Variants in ULK4 observed in about 807,000 individuals in gnomAD.
ULK4 encodes unc-51 like kinase 4.
In ULK4, 133 loss-of-function variants were observed where a neutral mutation model predicts 160.6. The observed-to-expected ratio is 0.83, with a 90% CI of 0.72 to 0.96. The LOEUF (loss-of-function observed/expected upper bound fraction) is 0.96, where lower values mean the gene tolerates loss of function less well. Ranked by LOEUF, ULK4 falls within the 40% of genes least tolerant of loss-of-function variation. ULK4 has a pLI of 0.00. For missense variants in ULK4, 1,580 were observed against 1,499.5 expected, an observed-to-expected ratio of 1.05 and a Z score of -0.89; for synonymous variants, 534 against 539.8, an observed-to-expected ratio of 0.99 and a Z score of 0.15.
At chr3:41,294,136 T>C (rs1017524816) in intron 35 of ULK4, among the ~76,000 whole-genome samples, 5 of 152,158 alleles carry the variant, frequency 3.3e-5, no homozygotes, top group African/African-American at 1.2e-4. Flanking sequence ...TGTTAGGAGA[T>C]GGGGCCTAAT....
intron 8 of ULK4, among the ~76,000 whole-genome samples, chr3:41,915,118 T>A (rs11714795): frequency 1.3e-5 from 2 of 149,750 alleles, no homozygotes; most frequent in African/African-American, 5.1e-5. Context: ...TAGGGATATG[T>A]GGATACACCG....
chr3:41,772,080 A>G (rs1456218663), intron 21 of ULK4, among the ~76,000 whole-genome samples: 1 of 152,176 alleles, frequency 6.6e-6, no homozygotes, highest in Admixed American at 6.5e-5. Context: ...CACTGTGTAG[A>G]GGGAAGTTTA....
chr3:41,268,261 C>G (rs1575375717), intron 35 of ULK4, among the ~76,000 whole-genome samples: 1 of 152,316 alleles, frequency 6.6e-6, no homozygotes, highest in East Asian at 1.9e-4. Context: ...GTTGCCTTCT[C>G]ATGTTACATC....
At chr3:41,389,930 T>C (rs1324905902) in intron 35 of ULK4, among the ~76,000 whole-genome samples, 1 of 152,198 alleles carries the variant, frequency 6.6e-6, no homozygotes, top group Non-Finnish European at 1.5e-5. Context: ...TTAATTGGAA[T>C]AGTTTCAGAA....
intron 20 of ULK4, among the ~76,000 whole-genome samples, chr3:41,798,884 G>C (rs554177441): frequency 3.9e-5 from 6 of 152,144 alleles, no homozygotes; most frequent in Non-Finnish European, 8.8e-5. Context: ...CCAGGAAGAA[G>C]ATTTGGAGAA....
chr3:41,354,169 C>T (rs1380448664), intron 35 of ULK4, among the ~76,000 whole-genome samples: 4 of 152,202 alleles, frequency 2.6e-5, no homozygotes, highest in Admixed American at 2.6e-4. Flanking sequence ...CTGGGATGTG[C>T]AGTCCAGTGT....
chr3:41,792,280 TA>T (rs2040172893), intron 20 of ULK4, among the ~76,000 whole-genome samples: 2 of 152,072 alleles, frequency 1.3e-5, no homozygotes, highest in African/African-American at 4.8e-5. Flanking sequence ...TTTTGAGAGG[TA>T]GGGGTGTGTG....
chr3:41,758,619 C>T (rs147942501), intron 21 of ULK4, among the ~76,000 whole-genome samples: 312 of 152,280 alleles, frequency 2.0e-3, no homozygotes, highest in African/African-American at 7.2e-3. Context: ...GGCACAGTGG[C>T]TCATGCCTGT....
In ULK4 at chr3:41,559,020, T is replaced by G. The variant is rs58987309; in HGVS notation, c.3226+7005A>C. Among the ~76,000 whole-genome samples, 1,066 of 133,028 alleles carry G rather than the reference T, an allele frequency of 8.0e-3. 39 individuals are homozygous for G. The highest frequency in any genetic ancestry group is 0.026 in the African/African-American group (1,021 of 38,602). 87.3% of individuals were successfully genotyped at this position (133,028 alleles called of 152,430 possible). Reference sequence around the variant, plus strand: ...TAGGTGTATCTCCTAATGCTATCCCTCCCCCCTACCCCCACCCCACAACAG... The same window carrying G: ...TAGGTGTATCTCCTAATGCTATCCCGCCCCCCTACCCCCACCCCACAACAG... On this transcript the variant is annotated intron_variant, in intron 32 of 36. Coordinates refer to ENST00000301831, the MANE Select transcript of ULK4 (RefSeq NM_017886.4).
chr3:41,692,302 A>G (rs2036332618), intron 27 of ULK4, among the ~76,000 whole-genome samples: 1 of 152,026 alleles, frequency 6.6e-6, no homozygotes, highest in Non-Finnish European at 1.5e-5. Flanking sequence ...ACAATCTGAC[A>G]CAGTATATGA....
chr3:41,321,465 T>G (rs762142829), intron 35 of ULK4, among the ~76,000 whole-genome samples: 5 of 152,076 alleles, frequency 3.3e-5, no homozygotes, highest in Non-Finnish European at 7.3e-5. Flanking sequence ...ATATCTGCTA[T>G]GATTGTGTTA....
intron 27 of ULK4, among the ~76,000 whole-genome samples, chr3:41,702,691 A>G (rs899951382): frequency 2.0e-5 from 3 of 152,146 alleles, no homozygotes; most frequent in Non-Finnish European, 4.4e-5. Context: ...TGAAATTTGC[A>G]TACACCTAAT....
intron 2 of ULK4, among the ~76,000 whole-genome samples, chr3:41,947,276 A>C (rs771799336): frequency 6.6e-6 from 1 of 152,160 alleles, no homozygotes; most frequent in Non-Finnish European, 1.5e-5. Flanking sequence ...GTGCCACTGC[A>C]CTCCAGCCCG....
chr3:41,739,196 A>ATTTTT (rs1405183979), intron 22 of ULK4, among the ~76,000 whole-genome samples: 3 of 152,024 alleles, frequency 2.0e-5, no homozygotes, highest in Admixed American at 2.0e-4. Flanking sequence ...TCAATATAAG[A>ATTTTT]GACTGAGTTT....
At chr3:41,482,204 G>C (rs1389919346) in intron 32 of ULK4, among the ~76,000 whole-genome samples, 1 of 152,172 alleles carries the variant, frequency 6.6e-6, no homozygotes, top group Non-Finnish European at 1.5e-5. Flanking sequence ...GTACCACCTA[G>C]TTACTGTGCA....
intron 34 of ULK4, among the ~76,000 whole-genome samples, chr3:41,423,893 G>A (rs537781612): frequency 6.6e-6 from 1 of 152,304 alleles, no homozygotes; most frequent in South Asian, 2.1e-4. Context: ...TCCCCCTCAT[G>A]AGCCAACACC....
At chr3:41,769,876 A>AC (rs2039295667) in intron 21 of ULK4, among the ~76,000 whole-genome samples, 1 of 152,222 alleles carries the variant, frequency 6.6e-6, no homozygotes, top group Non-Finnish European at 1.5e-5. Context: ...GGTCAAAGCT[A>AC]AAAATCAATA....
chr3:41,339,252 A>G (rs1429167220), intron 35 of ULK4, among the ~76,000 whole-genome samples: 3 of 152,106 alleles, frequency 2.0e-5, no homozygotes, highest in Non-Finnish European at 4.4e-5. Context: ...CTGCACCAGC[A>G]GCTCGCAGCA....
chr3:41,473,321 T>C (rs943746898), intron 32 of ULK4, among the ~76,000 whole-genome samples: 1 of 152,112 alleles, frequency 6.6e-6, no homozygotes, highest in African/African-American at 2.4e-5. Context: ...CAATATGATC[T>C]TGTATGTGGA....
Sources: gnomAD v4.1 joint callset for allele counts (sites outside exome capture counted in the v4.1 genomes callset) on GRCh38, gnomAD v4.1.1 for gene constraint, MANE v1.5 for transcripts, NCBI Gene and HGNC (gene_info 2026-07-23, HGNC 2026-07-21) for gene names.